The following ACYP2 variants were observed in gnomAD, a reference collection of about 807,000 sequenced individuals.
ACYP2 encodes acylphosphatase-2.
Under a neutral mutation model 11.2 loss-of-function variants are expected in ACYP2, and 12 were observed. The ratio of observed to expected loss-of-function variants is 1.08; its 90% confidence interval spans 0.69 to 1.74. The LOEUF is 1.74. ACYP2 is among the 40% of genes most tolerant of loss of function. The probability of loss-of-function intolerance (pLI) is 0.00; values close to 1 mark genes in which losing one functional copy is unlikely to be tolerated. For missense variants in ACYP2, 134 were observed against 101.9 expected (o/e 1.31, Z -1.35); for synonymous variants, 43 against 32.2 (o/e 1.33, Z -1.13).
intron 4 of ACYP2, chr2:54,065,329 T>C: frequency 2.5e-6 from 1 of 394,092 alleles, no homozygotes; most frequent in Non-Finnish European, 4.5e-6. Flanking sequence ...GCCCAGGTAC[T>C]TTGTTTAAAT....
chr2:53,975,676 C>CA (rs1377069798), intron 2 of ACYP2, among the ~76,000 whole-genome samples: 1 of 151,890 alleles, frequency 6.6e-6, no homozygotes, highest in Non-Finnish European at 1.5e-5. Context: ...ACTAAAAATA[C>CA]AAAAAATTAG....
intron 6 of ACYP2, among the ~76,000 whole-genome samples, chr2:54,187,097 G>T (rs1572905887): frequency 6.6e-6 from 1 of 152,048 alleles, no homozygotes; most frequent in East Asian, 1.9e-4. Context: ...CACACGTCAG[G>T]AAGAAAATTT....
At chr2:54,113,393 C>T (rs572790188) in intron 4 of ACYP2, among the ~76,000 whole-genome samples, 167 of 152,146 alleles carry the variant, frequency 1.1e-3, no homozygotes, top group African/African-American at 3.7e-3. Context: ...CAGGCACAGG[C>T]CACCACAGCC....
At chr2:54,053,275 C>G (rs1675959033) in intron 3 of ACYP2, among the ~76,000 whole-genome samples, 1 of 152,158 alleles carries the variant, frequency 6.6e-6, no homozygotes, top group Non-Finnish European at 1.5e-5. Flanking sequence ...TGCTGGGGGC[C>G]CCATAGGGCT....
chr2:53,993,995 C>T (rs1292215229), intron 2 of ACYP2, among the ~76,000 whole-genome samples: 2 of 151,978 alleles, frequency 1.3e-5, no homozygotes, highest in Non-Finnish European at 2.9e-5. Flanking sequence ...ACCATCCTGG[C>T]TAACACAGTG....
intron 6 of ACYP2, among the ~76,000 whole-genome samples, chr2:54,173,679 A>T (rs1410356959): frequency 6.6e-6 from 1 of 152,182 alleles, no homozygotes; most frequent in African/African-American, 2.4e-5. Flanking sequence ...TAGGTCTAAC[A>T]TTTAAGTCTT....
chr2:54,046,192 A>AG (rs1374767138), intron 2 of ACYP2, among the ~76,000 whole-genome samples: 1 of 134,072 alleles, frequency 7.5e-6, no homozygotes, highest in Non-Finnish European at 1.6e-5. Context: ...AAAAAAAAAA[A>AG]GGTCCAGGCG....
intron 6 of ACYP2, among the ~76,000 whole-genome samples, chr2:54,221,236 C>T (rs944925819): frequency 6.6e-6 from 1 of 152,148 alleles, no homozygotes; most frequent in Non-Finnish European, 1.5e-5. Context: ...AGTCAACATA[C>T]AGACTTGTGA....
chr2:54,103,114 A>C (rs1678986050), intron 4 of ACYP2, among the ~76,000 whole-genome samples: 1 of 152,188 alleles, frequency 6.6e-6, no homozygotes, highest in Admixed American at 6.5e-5. Context: ...GGGTTTGTAA[A>C]AGACAAAAAA....
intron 4 of ACYP2, among the ~76,000 whole-genome samples, chr2:54,066,434 A>G (rs563125636): frequency 9.2e-5 from 14 of 152,324 alleles, no homozygotes; most frequent in Admixed American, 4.6e-4. Context: ...TCTTTATAGC[A>G]GTGTGAAAAC....
intron 6 of ACYP2, among the ~76,000 whole-genome samples, chr2:54,272,755 C>A (rs1688364203): frequency 6.6e-6 from 1 of 152,154 alleles, no homozygotes; most frequent in Non-Finnish European, 1.5e-5. Flanking sequence ...TTGCTTTGCA[C>A]ATAACAAGTA....
chr2:54,163,406 G>A (rs1353189161), intron 6 of ACYP2, among the ~76,000 whole-genome samples: 2 of 152,140 alleles, frequency 1.3e-5, no homozygotes, highest in East Asian at 1.9e-4. Flanking sequence ...CTGTCTCTGA[G>A]ACCCTCTGTT....
intron 4 of ACYP2, among the ~76,000 whole-genome samples, chr2:54,074,298 T>C (rs78806822): frequency 0.019 from 2,876 of 152,228 alleles, 45 homozygotes; most frequent in Middle Eastern, 0.037. Flanking sequence ...TGAGCTATGA[T>C]TGGGCCACTA....
intron 4 of ACYP2, among the ~76,000 whole-genome samples, chr2:54,119,394 A>C (rs1439676477): frequency 1.3e-5 from 2 of 152,218 alleles, no homozygotes; most frequent in Admixed American, 6.5e-5. Flanking sequence ...AATAAAATAA[A>C]TAAAGTATGG....
chr2:54,266,839 G>C (rs1043460831), intron 6 of ACYP2, among the ~76,000 whole-genome samples: 1 of 151,594 alleles, frequency 6.6e-6, no homozygotes, highest in South Asian at 2.1e-4. Context: ...TCAATCTCCT[G>C]ACCTCGTGAT....
chr2:54,017,068 A>C (rs1401251424), intron 2 of ACYP2, among the ~76,000 whole-genome samples: 1 of 145,118 alleles, frequency 6.9e-6, no homozygotes, highest in Non-Finnish European at 1.5e-5. Flanking sequence ...CTCACATGGC[A>C]GAAGGGTTGA....
At chr2:54,049,570 T>G (rs899506072) in intron 2 of ACYP2, among the ~76,000 whole-genome samples, 7 of 152,252 alleles carry the variant, frequency 4.6e-5, no homozygotes, top group African/African-American at 1.4e-4. Context: ...CTTTCAAAGC[T>G]GTGCAAGCAT....
At chr2:53,973,191 T>C (rs1382756472) in intron 1 of ACYP2, among the ~76,000 whole-genome samples, 1 of 152,160 alleles carries the variant, frequency 6.6e-6, no homozygotes, top group African/African-American at 2.4e-5. Flanking sequence ...AGTTTATTGA[T>C]AAAGCGCATA....
chr2:54,104,758 C>T (rs1679062248), intron 4 of ACYP2, among the ~76,000 whole-genome samples: 2 of 152,244 alleles, frequency 1.3e-5, no homozygotes, highest in African/African-American at 4.8e-5. Context: ...TTTTTAACAA[C>T]TGCTGATGGC....
Sources: gnomAD v4.1 joint callset for allele counts (sites outside exome capture counted in the v4.1 genomes callset) on GRCh38, gnomAD v4.1.1 for gene constraint, MANE v1.5 for transcripts, NCBI Gene and HGNC (gene_info 2026-07-23, HGNC 2026-07-21) for gene names.